STPG2: variants seen among roughly 807,000 people sequenced by gnomAD.
STPG2 encodes sperm tail PG-rich repeat containing 2, also known as sperm-tail PG-rich repeat-containing protein 2.
In STPG2, 56 loss-of-function variants were observed where a neutral mutation model predicts 54.2. The ratio of observed to expected loss-of-function variants is 1.03; its 90% CI spans 0.83 to 1.29. The LOEUF (loss-of-function observed/expected upper bound fraction) is 1.29, where lower values mean the gene tolerates loss of function less well. Ranked by LOEUF, STPG2 falls within the 50% of genes most tolerant of loss-of-function variation. The pLI is 0.00. For synonymous variants in STPG2, 200 were observed against 181.8 expected (o/e 1.10, Z -0.81); for missense variants, 596 against 544.9 (o/e 1.09, Z -0.93).
At position 97,863,042 on chromosome 4, in the gene STPG2, G is replaced by A. The variant is rs559090464; in HGVS notation, c.1045-22110C>T. On this transcript the variant is annotated intron_variant, in intron 8 of 10. Coordinates refer to ENST00000295268, the MANE Select transcript of STPG2 (RefSeq NM_174952.3). ...TAACATCACAATTAAAAGAACTAGA[G>A]AAGCAAGAGGAAACACATTCAAAAG... Among the ~76,000 whole-genome samples, 643 of 152,004 alleles carry A rather than the reference G, an allele frequency of 4.2e-3. 3 individuals are homozygous for A. Among genetic ancestry groups the A allele is most frequent in the South Asian group, 0.024 (117 of 4,812 alleles).
chr4:97,782,660 T>C (rs879198243), intron 9 of STPG2, among the ~76,000 whole-genome samples: 4 of 152,120 alleles, frequency 2.6e-5, no homozygotes, highest in Admixed American at 2.6e-4. Context: ...AGAGGCATCA[T>C]GCTACCTGAC....
chr4:97,485,092 C>A (rs1051228387), intron 4 of STPG2, among the ~76,000 whole-genome samples: 2 of 151,878 alleles, frequency 1.3e-5, no homozygotes, highest in East Asian at 3.9e-4. Context: ...AAAGCCACAG[C>A]CAACATAATA....
intron 10 of STPG2, among the ~76,000 whole-genome samples, chr4:97,598,488 A>C (rs1215127614): frequency 4.6e-5 from 7 of 152,006 alleles, no homozygotes; most frequent in African/African-American, 1.7e-4. Flanking sequence ...CCAAAGCTGC[A>C]GGCTTCACAC....
downstream of STPG2, among the ~76,000 whole-genome samples, chr4:97,557,359 T>C (rs576165435): frequency 3.3e-5 from 5 of 152,334 alleles, no homozygotes; most frequent in South Asian, 4.1e-4. Flanking sequence ...CAGTCCTTGA[T>C]ATTGCCATAA....
intron 1 of STPG2, among the ~76,000 whole-genome samples, chr4:98,137,647 T>C (rs985500348): frequency 6.6e-6 from 1 of 151,762 alleles, no homozygotes; most frequent in East Asian, 1.9e-4. Flanking sequence ...TCTGAGGTAG[T>C]TGGCATCAGA....
rs763428983 is a variant in STPG2 at position 98,128,493 on chromosome 4, T to C, written c.322A>G (p.Ile108Val). 1.2e-6 allele frequency: 2 copies of C among 1,613,700 alleles called. No individual in the cohort carries two copies. The highest frequency in any genetic ancestry group is 3.3e-5 in the Admixed American group (2 of 59,968). ...YGYHINDDGSIIKCFPPACDS... is the reference protein window; with the variant it reads ...YGYHINDDGSVIKCFPPACDS... Reference sequence around the variant, plus strand: ...CAAGCAGGTGGAAAACATTTTATAATACTGCCATCATCATTAATATGATAA... The same window carrying C: ...CAAGCAGGTGGAAAACATTTTATAACACTGCCATCATCATTAATATGATAA... The change falls in exon 3 of 11, where the codon ATT becomes GTT. Residue 108 changes from isoleucine to valine, a missense_variant. Coordinates refer to ENST00000295268, the MANE Select transcript of STPG2 (RefSeq NM_174952.3).
At chr4:97,820,015 C>G (rs1412682489) in intron 9 of STPG2, among the ~76,000 whole-genome samples, 2 of 151,912 alleles carry the variant, frequency 1.3e-5, no homozygotes, top group Non-Finnish European at 2.9e-5. Flanking sequence ...CCTGCATTAG[C>G]AAGTCTATCA....
intron 9 of STPG2, among the ~76,000 whole-genome samples, chr4:97,807,949 T>C (rs1479256037): frequency 6.6e-6 from 1 of 151,946 alleles, no homozygotes; most frequent in East Asian, 1.9e-4. Context: ...ATAGACAGTA[T>C]TTAGATGTTT....
intron 10 of STPG2, among the ~76,000 whole-genome samples, chr4:97,709,224 T>A (rs1212557795): frequency 2.0e-5 from 3 of 151,738 alleles, no homozygotes; most frequent in South Asian, 2.1e-4. Flanking sequence ...GTGTTTTTTT[T>A]AAATACAGTT....
chr4:97,767,908 C>T (rs1417196881), intron 9 of STPG2, among the ~76,000 whole-genome samples: 1 of 152,172 alleles, frequency 6.6e-6, no homozygotes, highest in African/African-American at 2.4e-5. Context: ...TGGCTCACGC[C>T]TGTAATCCCA....
intron 10 of STPG2, among the ~76,000 whole-genome samples, chr4:97,666,772 G>T (rs557286294): frequency 1.5e-4 from 23 of 152,276 alleles, no homozygotes; most frequent in African/African-American, 5.1e-4. Context: ...GTTTAAAGAG[G>T]TTAACTAATC....
rs1056736915 is a variant in STPG2, at chr4:97,816,065, G to A, written c.1204+24708C>T. Among the ~76,000 whole-genome samples the A allele has an allele frequency of 5.9e-5, 9 of 152,094 alleles. No homozygotes were observed. In the East Asian group the frequency reaches 1.7e-3, roughly 30 times the overall value. On this transcript the variant is annotated intron_variant, in intron 9 of 10. Transcript: ENST00000295268. ...CCCCCAACAGGCCTCAGTGTGTGGTGCTCCCCTCCCTGTGTCCATGTGTTC... is the reference window on the plus strand; with the variant it reads ...CCCCCAACAGGCCTCAGTGTGTGGTACTCCCCTCCCTGTGTCCATGTGTTC...
intron 3 of STPG2, among the ~76,000 whole-genome samples, chr4:98,123,516 C>T (rs1216596689): frequency 2.0e-5 from 3 of 152,092 alleles, no homozygotes; most frequent in Admixed American, 2.0e-4. Flanking sequence ...CTTTTTAAAT[C>T]TTTAGTTCTA....
chr4:97,653,132 T>TAGAC (rs1553946808), intron 10 of STPG2, among the ~76,000 whole-genome samples: 69 of 152,036 alleles, frequency 4.5e-4, no homozygotes, highest in African/African-American at 9.9e-4. Flanking sequence ...GATAGATAGA[T>TAGAC]AGACAGATAC....
intron 8 of STPG2, among the ~76,000 whole-genome samples, chr4:97,865,148 A>C (rs963153980): frequency 4.1e-4 from 62 of 152,322 alleles, no homozygotes; most frequent in African/African-American, 1.3e-3. Context: ...CATCAGAGTG[A>C]ACAGGCAACC....
In STPG2 at chr4:98,025,651, G is replaced by T. The variant is rs1051507485; in HGVS notation, c.613-44333C>A. 4 of 911,906 alleles carry T rather than the reference G, an allele frequency of 4.4e-6. No individual in the cohort carries two copies. The African/African-American group carries it at 4.9e-5, about 11-fold the overall frequency. 56.5% of individuals were successfully genotyped at this position (911,906 alleles called of 1,614,324 possible). The stretch of plus-strand genomic sequence containing the variant: ...ACGAACTGCCAAAATATGGTATGAA[G>T]GATGGCCTAACAAATTATGTTGCAG... On this transcript the variant is annotated intron_variant, in intron 5 of 10. Transcript: ENST00000295268.
intron 7 of STPG2, among the ~76,000 whole-genome samples, chr4:97,966,438 G>A (rs1292008910): frequency 6.6e-6 from 1 of 152,138 alleles, no homozygotes; most frequent in African/African-American, 2.4e-5. Context: ...GAACCAAGCT[G>A]GAAAACACTC....
At chr4:97,856,125 G>T (rs1034924256) in intron 8 of STPG2, among the ~76,000 whole-genome samples, 10 of 152,100 alleles carry the variant, frequency 6.6e-5, no homozygotes, top group African/African-American at 1.9e-4. Flanking sequence ...TGTTCTTTCT[G>T]CTTAGGATTT....
At chr4:97,829,050 G>A (rs1728354363) in intron 9 of STPG2, among the ~76,000 whole-genome samples, 1 of 152,174 alleles carries the variant, frequency 6.6e-6, no homozygotes, top group Non-Finnish European at 1.5e-5. Flanking sequence ...CCTCAACTGG[G>A]TGCCTGACCT....
Sources: gnomAD v4.1 joint callset for allele counts (sites outside exome capture counted in the v4.1 genomes callset) on GRCh38, gnomAD v4.1.1 for gene constraint, MANE v1.5 for transcripts, NCBI Gene and HGNC (gene_info 2026-07-23, HGNC 2026-07-21) for gene names.